The following BCAS3 variants were observed in gnomAD, a reference collection of about 807,000 sequenced individuals.
BCAS3 encodes the protein BCAS4/BCAS3 fusion.
In BCAS3, 53 loss-of-function variants were observed where a neutral mutation model predicts 116.1. That is an observed-to-expected ratio of 0.46 (90% CI 0.37 to 0.57). The LOEUF (loss-of-function observed/expected upper bound fraction) is 0.57. Among genes scored for constraint, BCAS3 ranks in the 20% least tolerant of loss-of-function variants. The pLI is 0.00. For missense variants in BCAS3, 917 were observed against 1,165.4 expected, an observed-to-expected ratio of 0.79 and a Z score of 3.10; for synonymous variants, 391 against 408.2, an observed-to-expected ratio of 0.96 and a Z score of 0.51.
At chr17:61,184,219 T>C (rs1379201810) in intron 22 of BCAS3, among the ~76,000 whole-genome samples, 2 of 152,172 alleles carry the variant, frequency 1.3e-5, no homozygotes, top group Admixed American at 6.5e-5. Flanking sequence ...CCTAAGTACC[T>C]TGAATAATGA....
chr17:60,942,673 T>C (rs1195297450), intron 13 of BCAS3, among the ~76,000 whole-genome samples: 3 of 152,178 alleles, frequency 2.0e-5, no homozygotes, highest in Non-Finnish European at 4.4e-5. Context: ...TATTTTAATA[T>C]AGTGACTAGA....
At chr17:60,811,739 A>T (rs573009839) in intron 7 of BCAS3, among the ~76,000 whole-genome samples, 1 of 152,354 alleles carries the variant, frequency 6.6e-6, no homozygotes, top group African/African-American at 2.4e-5. Flanking sequence ...TGTTGAAAGG[A>T]TATAAAAGAT....
At chr17:61,230,661 C>G (rs2082622725) in intron 22 of BCAS3, among the ~76,000 whole-genome samples, 1 of 152,174 alleles carries the variant, frequency 6.6e-6, no homozygotes, top group Non-Finnish European at 1.5e-5. Context: ...TGGTGTATAT[C>G]TAGCACATTT....
chr17:60,679,271 A>G (rs926780060), intron 1 of BCAS3, among the ~76,000 whole-genome samples, 182 bp from the exon 2 acceptor site: 4 of 152,206 alleles, frequency 2.6e-5, no homozygotes, highest in Non-Finnish European at 4.4e-5. Flanking sequence ...TTTGAAAAAA[A>G]TTAAAAACCT....
intron 13 of BCAS3, among the ~76,000 whole-genome samples, chr17:60,938,804 C>G (rs547570815): frequency 2.5e-4 from 38 of 152,184 alleles, no homozygotes; most frequent in African/African-American, 9.2e-4. Flanking sequence ...TTTAAACAAT[C>G]ATGTCACAAA....
intron 5 of BCAS3, among the ~76,000 whole-genome samples, chr17:60,735,472 G>A (rs1421761556): frequency 6.6e-6 from 1 of 151,030 alleles, no homozygotes; most frequent in Non-Finnish European, 1.5e-5. Flanking sequence ...TTTTATTTTT[G>A]AGACAGGGTC....
intron 10 of BCAS3, among the ~76,000 whole-genome samples, chr17:60,894,460 C>T (rs2057380417): frequency 6.6e-6 from 1 of 152,024 alleles, no homozygotes; most frequent in Admixed American, 6.6e-5. Flanking sequence ...AGATTTTGTG[C>T]GTGTGTGTGA....
At position 61,102,989 on chromosome 17, in the gene BCAS3, A is replaced by G. The variant is rs181610240; in HGVS notation, c.2425+18425A>G. Reference sequence around the variant, plus strand: ...GTCCCCATTTTACAGTTGAGAAAACAGACTGAAATGTTGTAGATTCCTGGT... The same window carrying G: ...GTCCCCATTTTACAGTTGAGAAAACGGACTGAAATGTTGTAGATTCCTGGT... On this transcript the variant is annotated intron_variant, in intron 22 of 23. Transcript: ENST00000407086. 5.5e-4 allele frequency among the ~76,000 whole-genome samples: 84 copies of G among 152,300 alleles called. No homozygotes were observed. In the East Asian group the frequency reaches 8.5e-3, roughly 15 times the overall value.
chr17:60,898,404 G>A (rs1008471017), intron 10 of BCAS3, among the ~76,000 whole-genome samples: 1 of 152,074 alleles, frequency 6.6e-6, no homozygotes, highest in African/African-American at 2.4e-5. Flanking sequence ...TGGTTGGATA[G>A]GACACTTTGG....
chr17:60,684,060 C>T (rs768186894), intron 3 of BCAS3, 24 bp downstream of exon 3: 6 of 1,609,430 alleles, frequency 3.7e-6, no homozygotes, highest in Non-Finnish European at 5.1e-6. Context: ...TGTGCTTTCG[C>T]CTTTCCCTTT....
At chr17:60,898,613 C>T (rs746925372) in intron 10 of BCAS3, among the ~76,000 whole-genome samples, 9 of 152,006 alleles carry the variant, frequency 5.9e-5, no homozygotes, top group Non-Finnish European at 1.3e-4. Context: ...GTGTGCCTAT[C>T]CTTGTGCCCC....
chr17:61,294,571 G>A (rs2052720052), intron 22 of BCAS3, among the ~76,000 whole-genome samples: 1 of 152,156 alleles, frequency 6.6e-6, no homozygotes, highest in South Asian at 2.1e-4. Flanking sequence ...TCAGGTGTTG[G>A]TGGGCAAACT....
chr17:60,702,554 GGAA>G (rs1430047601), intron 4 of BCAS3, among the ~76,000 whole-genome samples: 5 of 152,006 alleles, frequency 3.3e-5, no homozygotes, highest in Non-Finnish European at 7.4e-5. Context: ...TCAAGGTAAA[GGAA>G]TCTGGCCTAA....
chr17:61,041,896 T>G lies in BCAS3; in HGVS notation c.2029+1004T>G, dbSNP rs935954517. Reference sequence around the variant, plus strand: ...GTGCCTACTATGTGTGAGGCAGTTCTGATTTAAAGGTGATTAGTATATTGC... The same window carrying G: ...GTGCCTACTATGTGTGAGGCAGTTCGGATTTAAAGGTGATTAGTATATTGC... On this transcript the variant is annotated intron_variant, in intron 19 of 23. Coordinates refer to ENST00000407086, the MANE Select transcript of BCAS3 (RefSeq NM_017679.5). This position sits in a 1 kb window ranked among gnomAD's most constrained non-coding sequence, Gnocchi z 4.7. Among the ~76,000 whole-genome samples, 1 of 152,008 alleles carries G rather than the reference T, an allele frequency of 6.6e-6. No individual in the cohort carries two copies. Among genetic ancestry groups the G allele is most frequent in the African/African-American group, 2.4e-5 (1 of 41,430 alleles).
chr17:60,755,392 G>A (rs1394261912), intron 6 of BCAS3, among the ~76,000 whole-genome samples: 1 of 152,148 alleles, frequency 6.6e-6, no homozygotes, highest in African/African-American at 2.4e-5. Flanking sequence ...CTAATTCACA[G>A]GTGAGGAGAC....
chr17:61,195,180 A>G (rs949163155), intron 22 of BCAS3, among the ~76,000 whole-genome samples: 3 of 152,228 alleles, frequency 2.0e-5, no homozygotes, highest in African/African-American at 7.2e-5. Context: ...ACATATACCA[A>G]TTGTGCTTAT....
At chr17:60,839,856 C>T (rs2051732050) in intron 7 of BCAS3, among the ~76,000 whole-genome samples, 1 of 152,118 alleles carries the variant, frequency 6.6e-6, no homozygotes, top group Admixed American at 6.5e-5. Context: ...TATACATGCA[C>T]ATTCTTGGAA....
chr17:60,893,998 A>G (rs1438920717), intron 10 of BCAS3, among the ~76,000 whole-genome samples: 1 of 151,766 alleles, frequency 6.6e-6, no homozygotes, highest in Non-Finnish European at 1.5e-5. Flanking sequence ...ATGCTTCCTG[A>G]TTTGTTATTT....
intron 22 of BCAS3, among the ~76,000 whole-genome samples, chr17:61,092,134 C>T (rs910761800): frequency 1.3e-5 from 2 of 152,106 alleles, no homozygotes; most frequent in Non-Finnish European, 2.9e-5. Context: ...TGTATCTAAC[C>T]TCTTTTGCTC....
Sources: allele counts gnomAD v4.1 joint callset (sites outside exome capture counted in the v4.1 genomes callset), GRCh38; gene constraint gnomAD v4.1.1; non-coding constraint Gnocchi (gnomAD v3.1); transcripts MANE v1.5; gene names NCBI Gene and HGNC (gene_info 2026-07-23, HGNC 2026-07-21).